ZC3H12B: variants seen among roughly 807,000 people sequenced by gnomAD.
The protein encoded by ZC3H12B is zinc finger CCCH-type containing 12B.
ZC3H12B carries 7 observed loss-of-function variants against 43.9 expected under a neutral mutation model. That is an observed-to-expected ratio of 0.16 (90% confidence interval 0.09 to 0.30). The LOEUF is 0.30. ZC3H12B is among the 10% of genes least tolerant of loss of function. ZC3H12B has a pLI of 1.00. For synonymous variants in ZC3H12B, 222 were observed against 241.7 expected, an observed-to-expected ratio of 0.92 and a Z score of 0.76; for missense variants, 475 against 670.2, an observed-to-expected ratio of 0.71 and a Z score of 3.22.
chrX:65,072,429 C>T, the ZC3H12B span, among the ~76,000 whole-genome samples: 1 of 112,579 alleles, frequency 8.9e-6, no homozygotes, highest in Non-Finnish European at 1.9e-5. Flanking sequence ...TGCTAGAAGG[C>T]TAGTGTGATA....
chrX:65,316,802 A>G, the ZC3H12B span, among the ~76,000 whole-genome samples: 1 of 111,809 alleles, frequency 8.9e-6, no homozygotes, highest in Non-Finnish European at 1.9e-5. Context: ...ATCAATAATA[A>G]CTTTGAAAGT....
the ZC3H12B span, among the ~76,000 whole-genome samples, chrX:65,278,825 C>T: frequency 2.9e-5 from 3 of 102,985 alleles, no homozygotes; most frequent in African/African-American, 1.1e-4. Flanking sequence ...AAGTAGACCC[C>T]AGTGTCTATT....
At chrX:65,382,008 G>A (rs762805143) in intron 2 of ZC3H12B, among the ~76,000 whole-genome samples, 425 of 111,543 alleles carry the variant, frequency 3.8e-3, no homozygotes, top group African/African-American at 0.013. Flanking sequence ...ATTCACAGCC[G>A]ATTCTACCAG....
At chrX:65,357,499 C>A in the ZC3H12B span, 1 of 121,781 alleles carries the variant, frequency 8.2e-6, no homozygotes, top group Non-Finnish European at 1.7e-5. Flanking sequence ...TGTTCAGGGC[C>A]ACTCAGGGCC....
At chrX:65,352,906 G>A in the ZC3H12B span, among the ~76,000 whole-genome samples, 10 of 111,486 alleles carry the variant, frequency 9.0e-5, no homozygotes, top group African/African-American at 2.9e-4. Context: ...GGAATGCAGC[G>A]GCATGATCAT....
intron 3 of ZC3H12B, among the ~76,000 whole-genome samples, chrX:65,442,827 G>A (rs979459231): frequency 1.8e-5 from 2 of 111,774 alleles, no homozygotes; most frequent in African/African-American, 6.5e-5. Flanking sequence ...TCTTGATCTG[G>A]GGGGTGTATT....
chrX:65,365,305 T>C (rs1035583529), upstream of ZC3H12B, among the ~76,000 whole-genome samples: 1 of 111,563 alleles, frequency 9.0e-6, no homozygotes, highest in Non-Finnish European at 1.9e-5. Flanking sequence ...TCTAATTGGA[T>C]GTCCTGGGTC....
At chrX:65,129,241 G>A in the ZC3H12B span, among the ~76,000 whole-genome samples, 11,185 of 104,650 alleles carry the variant, frequency 0.11, 1,522 homozygotes, top group African/African-American at 0.37. Flanking sequence ...TATTATATAT[G>A]TATGTGTGTA....
chrX:65,357,112 G>A, the ZC3H12B span: 1 of 512,013 alleles, frequency 2.0e-6, no homozygotes, highest in African/African-American at 2.3e-5. Flanking sequence ...AAGGCTTCCT[G>A]AGAGTATATT....
chrX:65,387,855 G>A (rs767450773), intron 2 of ZC3H12B, among the ~76,000 whole-genome samples: 2 of 112,379 alleles, frequency 1.8e-5, no homozygotes, highest in South Asian at 3.7e-4. Context: ...AAATCTCTCA[G>A]CATTTGCTTG....
the ZC3H12B span, among the ~76,000 whole-genome samples, chrX:65,261,771 T>A: frequency 9.0e-6 from 1 of 110,618 alleles, no homozygotes; most frequent in African/African-American, 3.3e-5. Context: ...TGAAAAAAAA[T>A]TATAATACAT....
chrX:65,293,133 G>A, the ZC3H12B span, among the ~76,000 whole-genome samples: 1 of 111,771 alleles, frequency 8.9e-6, no homozygotes, highest in Non-Finnish European at 1.9e-5. Context: ...GCAGGTGATG[G>A]TATCGACAGC....
the ZC3H12B span, among the ~76,000 whole-genome samples, chrX:65,329,303 T>G: frequency 8.4e-4 from 94 of 111,509 alleles, no homozygotes; most frequent in African/African-American, 3.0e-3. Flanking sequence ...TGGCCAGTGA[T>G]GATGAGCATT....
chrX:65,211,354 C>G, the ZC3H12B span, among the ~76,000 whole-genome samples: 2 of 108,662 alleles, frequency 1.8e-5, no homozygotes, highest in Non-Finnish European at 3.8e-5. Context: ...TAAAAATTAA[C>G]AATAATAAAA....
At chrX:65,115,468 G>C in the ZC3H12B span, among the ~76,000 whole-genome samples, 4 of 110,768 alleles carry the variant, frequency 3.6e-5, no homozygotes, top group African/African-American at 1.3e-4. Flanking sequence ...TTGGGCATTT[G>C]GACTGGTTCC....
chrX:65,224,836 T>A, the ZC3H12B span, among the ~76,000 whole-genome samples: 2 of 111,920 alleles, frequency 1.8e-5, no homozygotes, highest in East Asian at 5.6e-4. Flanking sequence ...GTGCCCGCCA[T>A]TGCCAAGGCT....
At chrX:65,413,371 C>A (rs1265229194) in intron 3 of ZC3H12B, among the ~76,000 whole-genome samples, 3 of 111,198 alleles carry the variant, frequency 2.7e-5, no homozygotes, top group Non-Finnish European at 5.7e-5. Context: ...ATTGCAAAAT[C>A]CAAGGTTGTG....
At chrX:65,213,243 G>T in the ZC3H12B span, among the ~76,000 whole-genome samples, 1 of 109,581 alleles carries the variant, frequency 9.1e-6, no homozygotes, top group East Asian at 2.9e-4. Context: ...TCTATTGTTT[G>T]GCTTGCTCCC....
At chrX:65,121,721 A>T in the ZC3H12B span, among the ~76,000 whole-genome samples, 2 of 110,670 alleles carry the variant, frequency 1.8e-5, no homozygotes, top group Non-Finnish European at 3.8e-5. Context: ...TTGCTTCTCT[A>T]GTTCTTTTAA....
Sources: gnomAD v4.1 joint callset for allele counts (sites outside exome capture counted in the v4.1 genomes callset) on GRCh38, gnomAD v4.1.1 for gene constraint, MANE v1.5 for transcripts, NCBI Gene and HGNC (gene_info 2026-07-23, HGNC 2026-07-21) for gene names.